Variants in CNTN4 observed in about 807,000 individuals in gnomAD.
CNTN4 encodes contactin-4.
CNTN4 carries 77 observed loss-of-function variants against 122.5 expected under a neutral mutation model. The observed-to-expected ratio is 0.63, with a 90% confidence interval of 0.52 to 0.76. The LOEUF (loss-of-function observed/expected upper bound fraction) is 0.76, where lower values mean the gene tolerates loss of function less well. Ranked by LOEUF, CNTN4 falls within the 30% of genes least tolerant of loss-of-function variation. The probability of loss-of-function intolerance (pLI) is 0.00; values close to 1 mark genes in which losing one functional copy is unlikely to be tolerated. For synonymous variants in CNTN4, 512 were observed against 447.0 expected, an observed-to-expected ratio of 1.15 and a Z score of -1.83; for missense variants, 1,256 against 1,259.1, an observed-to-expected ratio of 1.00 and a Z score of 0.04.
Position 2,765,294 on chromosome 3 carries a change from G to A in CNTN4, c.358+19597G>A, listed in dbSNP as rs1311863245. Among the ~76,000 whole-genome samples the A allele has an allele frequency of 3.3e-5, 5 of 152,200 alleles. No homozygotes were observed. The South Asian group carries it at 1.0e-3, about 32-fold the overall frequency. ...AGTTTCTGCACGGAGATGAAAGGATGAGATTGAAGATGCTAACGAAGTCAG... is the reference window on the plus strand; with the variant it reads ...AGTTTCTGCACGGAGATGAAAGGATAAGATTGAAGATGCTAACGAAGTCAG... On this transcript the variant is annotated intron_variant, in intron 6 of 24. Transcript: ENST00000418658.
intron 3 of CNTN4, among the ~76,000 whole-genome samples, chr3:2,448,263 A>G (rs1195551096): frequency 6.6e-6 from 1 of 152,214 alleles, no homozygotes; most frequent in Non-Finnish European, 1.5e-5. Flanking sequence ...GTCCAGTTGG[A>G]AGCATCATGA....
chr3:2,131,725 A>G (rs2034459218), intron 2 of CNTN4, among the ~76,000 whole-genome samples: 1 of 152,328 alleles, frequency 6.6e-6, no homozygotes, highest in African/African-American at 2.4e-5. Context: ...TTAGTTTTTT[A>G]AGTATAATCC....
chr3:2,448,769 G>T (rs1360102423), intron 3 of CNTN4, among the ~76,000 whole-genome samples: 1 of 152,174 alleles, frequency 6.6e-6, no homozygotes, highest in Non-Finnish European at 1.5e-5. Context: ...TGCCCTGGTT[G>T]TCCAGCAGCC....
intron 6 of CNTN4, among the ~76,000 whole-genome samples, chr3:2,773,715 A>G (rs1029615839): frequency 2.0e-5 from 3 of 150,820 alleles, no homozygotes; most frequent in Non-Finnish European, 2.9e-5. Context: ...GGGGTTACCA[A>G]ACTCTGGCAC....
intron 4 of CNTN4, among the ~76,000 whole-genome samples, chr3:2,658,238 G>A (rs1365553694): frequency 6.6e-6 from 1 of 151,566 alleles, no homozygotes; most frequent in East Asian, 2.0e-4. Context: ...GATTCGGCAG[G>A]GTGGGAAGTG....
At chr3:2,965,665 G>T (rs1356762844) in intron 13 of CNTN4, among the ~76,000 whole-genome samples, 3 of 152,194 alleles carry the variant, frequency 2.0e-5, no homozygotes, top group East Asian at 3.9e-4. Context: ...TAAATCTGAT[G>T]ATATCACTCC....
chr3:2,639,189 T>C (rs2082794482), intron 4 of CNTN4, among the ~76,000 whole-genome samples: 1 of 152,188 alleles, frequency 6.6e-6, no homozygotes, highest in African/African-American at 2.4e-5. Context: ...CTTCTCTTAC[T>C]CTGTCATGTA....
At chr3:2,674,360 A>C (rs1454853984) in intron 4 of CNTN4, among the ~76,000 whole-genome samples, 3 of 152,200 alleles carry the variant, frequency 2.0e-5, no homozygotes, top group East Asian at 3.9e-4. Flanking sequence ...TACAATGATC[A>C]AATCAGGGTA....
intron 4 of CNTN4, among the ~76,000 whole-genome samples, chr3:2,692,332 C>T (rs764398175): frequency 3.9e-5 from 6 of 152,122 alleles, no homozygotes; most frequent in Non-Finnish European, 7.3e-5. Context: ...ACCTCCGCTA[C>T]CTATGCCCTC....
chr3:2,828,001 G>A (rs1363514430), intron 7 of CNTN4, among the ~76,000 whole-genome samples: 1 of 152,058 alleles, frequency 6.6e-6, no homozygotes, highest in African/African-American at 2.4e-5. Context: ...AGTGCTGTAA[G>A]TATTGATCAC....
chr3:2,913,905 G>C (rs939553328), intron 12 of CNTN4, among the ~76,000 whole-genome samples: 1 of 152,124 alleles, frequency 6.6e-6, no homozygotes, highest in Non-Finnish European at 1.5e-5. Context: ...CCATATGTTA[G>C]GGTACAAATA....
At chr3:2,593,615 G>T (rs2080610297) in intron 4 of CNTN4, among the ~76,000 whole-genome samples, 1 of 152,210 alleles carries the variant, frequency 6.6e-6, no homozygotes, top group South Asian at 2.1e-4. Context: ...TCATATTTTG[G>T]ATGGGCAGAT....
intron 2 of CNTN4, among the ~76,000 whole-genome samples, chr3:2,282,792 A>G (rs1044888613): frequency 2.2e-4 from 34 of 152,324 alleles, no homozygotes; most frequent in Admixed American, 1.5e-3. Flanking sequence ...TGGCATAACC[A>G]TAAATGGAAT....
intron 2 of CNTN4, among the ~76,000 whole-genome samples, chr3:2,284,346 A>G (rs983010064): frequency 6.6e-6 from 1 of 152,138 alleles, no homozygotes; most frequent in Non-Finnish European, 1.5e-5. Flanking sequence ...TTTTAGGCCA[A>G]TCTATAGTAT....
intron 14 of CNTN4, chr3:2,988,939 G>A (rs1468308273): frequency 5.2e-6 from 1 of 193,582 alleles, no homozygotes; most frequent in East Asian, 1.3e-4. Context: ...TATACTAATA[G>A]AAGGCTTTGA....
rs117912827 is a variant in CNTN4, at chr3:2,107,001, C to T, written c.-145+6362C>T. Reference sequence around the variant, plus strand: ...CGATAAGTTCCTCATCTCCATCTGACCTGGACTTCATTGTCCAAATCATTA... The same window carrying T: ...CGATAAGTTCCTCATCTCCATCTGATCTGGACTTCATTGTCCAAATCATTA... On this transcript the variant is annotated intron_variant, in intron 2 of 24. Coordinates refer to ENST00000418658, the MANE Select transcript of CNTN4 (RefSeq NM_175607.3). 7.2e-4 allele frequency among the ~76,000 whole-genome samples: 109 copies of T among 152,286 alleles called. 1 individual carries two copies. In the East Asian group the frequency reaches 0.016, roughly 22 times the overall value.
chr3:2,425,509 C>T (rs1475640490), intron 3 of CNTN4, among the ~76,000 whole-genome samples: 1 of 152,114 alleles, frequency 6.6e-6, no homozygotes, highest in African/African-American at 2.4e-5. Context: ...TAGCGTGATG[C>T]CTCCAGCTTT....
chr3:2,183,817 A>G (rs1260814134), intron 2 of CNTN4, among the ~76,000 whole-genome samples: 2 of 152,178 alleles, frequency 1.3e-5, no homozygotes, highest in Non-Finnish European at 2.9e-5. Flanking sequence ...AAGATGCCAT[A>G]AGTCTTTACC....
intron 3 of CNTN4, among the ~76,000 whole-genome samples, chr3:2,407,510 T>TA (rs2047081325): frequency 6.6e-6 from 1 of 152,004 alleles, no homozygotes; most frequent in African/African-American, 2.4e-5. Flanking sequence ...TCAAAACATA[T>TA]AAAAATCATA....
Sources: gnomAD v4.1 joint callset for allele counts (sites outside exome capture counted in the v4.1 genomes callset) on GRCh38, gnomAD v4.1.1 for gene constraint, MANE v1.5 for transcripts, NCBI Gene and HGNC (gene_info 2026-07-23, HGNC 2026-07-21) for gene names.